CPE: variants seen among roughly 807,000 people sequenced by gnomAD.
CPE encodes the protein carboxypeptidase E.
A neutral mutation model predicts 53.5 loss-of-function variants in CPE; 17 were observed. The ratio of observed to expected loss-of-function variants is 0.32; its 90% CI spans 0.22 to 0.48. The LOEUF (loss-of-function observed/expected upper bound fraction) is 0.48, where lower values mean the gene tolerates loss of function less well. CPE is among the 20% of genes least tolerant of loss of function. The pLI is 0.99. For synonymous variants in CPE, 226 were observed against 228.8 expected (o/e 0.99, Z 0.11); for missense variants, 524 against 614.7 (o/e 0.85, Z 1.56).
At chr4:165,494,375 G>A (rs1289947350) in intron 7 of CPE, among the ~76,000 whole-genome samples, 2 of 152,196 alleles carry the variant, frequency 1.3e-5, no homozygotes, top group Non-Finnish European at 2.9e-5. Flanking sequence ...CAGAGGAGGG[G>A]CTCTAGAATA....
At chr4:165,384,951 G>A (rs1357247857) in intron 1 of CPE, among the ~76,000 whole-genome samples, 1 of 152,146 alleles carries the variant, frequency 6.6e-6, no homozygotes, top group Non-Finnish European at 1.5e-5. Flanking sequence ...AATTTTGTTT[G>A]TTTGCTTTTT....
chr4:165,497,635 A>G lies in CPE; in HGVS notation c.*25A>G. 7.1e-7 allele frequency: 1 copy of G among 1,399,276 alleles called. No homozygotes were observed. The highest frequency in any genetic ancestry group is 9.8e-7 in the Non-Finnish European group (1 of 1,023,320). 86.7% of individuals were successfully genotyped at this position (1,399,276 alleles called of 1,614,324 possible). A position where few individuals can be genotyped will look rare whatever the true frequency, so the allele number is the denominator to read the frequency against. On this transcript the variant is annotated 3_prime_UTR_variant, in exon 9 of 9. Transcript: ENST00000402744. ...AAAAGGCTTCTAGTTAGCTGCTTTA[A>G]ATCTATCTATATAATGTAGTATGAT... is the stretch of plus-strand genomic sequence containing the variant.
At chr4:165,465,248 A>C (rs1025661196) in intron 2 of CPE, among the ~76,000 whole-genome samples, 1 of 152,116 alleles carries the variant, frequency 6.6e-6, no homozygotes, top group African/African-American at 2.4e-5. Flanking sequence ...TAATTTTCTT[A>C]GTCTATGGGA....
At chr4:165,453,304 T>G (rs1579268540) in intron 1 of CPE, among the ~76,000 whole-genome samples, 1 of 151,888 alleles carries the variant, frequency 6.6e-6, no homozygotes, top group Admixed American at 6.6e-5. Flanking sequence ...TCTTTTTCTT[T>G]CTTTTTCCTT....
At chr4:165,489,592 A>G (rs1163885691) in intron 6 of CPE, among the ~76,000 whole-genome samples, 1 of 152,232 alleles carries the variant, frequency 6.6e-6, no homozygotes, top group African/African-American at 2.4e-5. Context: ...GAGCCGGGCT[A>G]TAAGATTTAC....
intron 1 of CPE, among the ~76,000 whole-genome samples, chr4:165,448,334 A>G (rs759015633): frequency 5.3e-5 from 8 of 152,234 alleles, no homozygotes; most frequent in Non-Finnish European, 1.0e-4. Flanking sequence ...GAATTTAAAT[A>G]TATCATTTAT....
chr4:165,412,310 A>G (rs1487800554), intron 1 of CPE, among the ~76,000 whole-genome samples: 1 of 152,236 alleles, frequency 6.6e-6, no homozygotes, highest in African/African-American at 2.4e-5. Flanking sequence ...TGTAGACATT[A>G]AATATCTTTT....
intron 1 of CPE, among the ~76,000 whole-genome samples, chr4:165,460,169 C>T (rs925348037): frequency 1.3e-5 from 2 of 151,792 alleles, no homozygotes; most frequent in East Asian, 1.9e-4. Context: ...GGAAGGCAAA[C>T]GTCATCCATT....
At chr4:165,497,440 C>T (rs1371482195) in intron 8 of CPE, 72 bp from the exon 9 acceptor site, 1 of 844,728 alleles carries the variant, frequency 1.2e-6, no homozygotes, top group African/African-American at 1.7e-5. Context: ...TGAAACTGCT[C>T]TTATTTTTTT....
chr4:165,414,178 T>A (rs1213293341), intron 1 of CPE, among the ~76,000 whole-genome samples: 1 of 152,218 alleles, frequency 6.6e-6, no homozygotes, highest in Non-Finnish European at 1.5e-5. Context: ...GTTTCATAAA[T>A]TATTTAAATA....
intron 1 of CPE, among the ~76,000 whole-genome samples, chr4:165,402,531 A>C (rs1365559623): frequency 6.6e-6 from 1 of 152,148 alleles, no homozygotes; most frequent in Admixed American, 6.5e-5. Context: ...ACTTGACACT[A>C]TCTCCTGGTG....
chr4:165,477,729 GA>G lies in CPE; in HGVS notation c.673-4501del, dbSNP rs35008723. ...TTCCTCCTCCTTTGTATAGCTGTGA[GA>G]AAAAAAAAAAAGAAATTCATATTCC... is the stretch of plus-strand genomic sequence containing the variant. On this transcript the variant is annotated intron_variant, in intron 3 of 8. Transcript: ENST00000402744. Among the ~76,000 whole-genome samples, 72 of 145,074 alleles carry G rather than the reference GA, an allele frequency of 5.0e-4. 1 individual carries two copies. In the Middle Eastern group the frequency reaches 0.014, roughly 29 times the overall value.
chr4:165,426,260 T>C (rs910799947), intron 1 of CPE, among the ~76,000 whole-genome samples: 4 of 152,234 alleles, frequency 2.6e-5, no homozygotes, highest in African/African-American at 9.6e-5. Context: ...CGTTAGATTA[T>C]TGGAACAATT....
At chr4:165,398,414 A>G (rs1730810873) in intron 1 of CPE, among the ~76,000 whole-genome samples, 1 of 152,182 alleles carries the variant, frequency 6.6e-6, no homozygotes, top group South Asian at 2.1e-4. Flanking sequence ...AGGTACATAT[A>G]TACATATAGG....
intron 1 of CPE, among the ~76,000 whole-genome samples, chr4:165,424,626 T>C (rs916727648): frequency 4.6e-5 from 7 of 151,646 alleles, no homozygotes; most frequent in Admixed American, 4.6e-4. Flanking sequence ...CTCCACCTCC[T>C]GGGTTCACGC....
Position 165,407,754 on chromosome 4 carries a change from C to T in CPE, c.307+28226C>T, listed in dbSNP as rs1579247603. On this transcript the variant is annotated intron_variant, in intron 1 of 8. Coordinates refer to ENST00000402744, the MANE Select transcript of CPE (RefSeq NM_001873.4). ...ATTTTTTAGTAGAGACGGGGTTTTG[C>T]CATGTTGGCCAGGCTGGTCTTGAAC... Among the ~76,000 whole-genome samples, 3 of 151,986 alleles carry T rather than the reference C, an allele frequency of 2.0e-5. No homozygotes were observed. The East Asian group carries it at 5.8e-4, about 29-fold the overall frequency.
Position 165,405,449 on chromosome 4 carries a change from A to G in CPE, c.307+25921A>G, listed in dbSNP as rs147412636. On this transcript the variant is annotated intron_variant, in intron 1 of 8. Coordinates refer to ENST00000402744, the MANE Select transcript of CPE (RefSeq NM_001873.4). ...CTCAATTCCAGTCTTTACCACATCA[A>G]TTATTTTCAGAGGTGTGGGATAAAG... The G allele has an allele frequency of 5.1e-4, 437 of 858,446 alleles. 4 individuals are homozygous for G. In the African/African-American group the frequency reaches 6.4e-3, roughly 13 times the overall value. The allele number at this position is 858,446 out of a possible 1,614,324, so 53.2% of individuals were successfully genotyped here. A position where few individuals can be genotyped will look rare whatever the true frequency, so the allele number is the denominator to read the frequency against.
chr4:165,406,573 A>G (rs1730958018), intron 1 of CPE, among the ~76,000 whole-genome samples: 5 of 152,166 alleles, frequency 3.3e-5, no homozygotes. Flanking sequence ...TGTGGTCATT[A>G]TTACTTTGTT....
Position 165,498,404 on chromosome 4 carries a change from T to C in CPE, c.*794T>C, listed in dbSNP as rs1732744489. 6.6e-6 allele frequency: 1 copy of C among 152,192 alleles called. No homozygotes were observed. Among genetic ancestry groups the C allele is most frequent in the Admixed American group, 6.5e-5 (1 of 15,274 alleles). The allele number at this position is 152,192 out of a possible 1,614,324, so 9.4% of individuals were successfully genotyped here. On this transcript the variant is annotated 3_prime_UTR_variant, in exon 9 of 9. Coordinates refer to ENST00000402744, the MANE Select transcript of CPE (RefSeq NM_001873.4). Reference sequence around the variant, plus strand: ...AACATGTATCCTCTTAATGGCGGCTTCTCATATATTCATCCTGTACATTTT... The same window carrying C: ...AACATGTATCCTCTTAATGGCGGCTCCTCATATATTCATCCTGTACATTTT...
Sources: allele counts gnomAD v4.1 joint callset (sites outside exome capture counted in the v4.1 genomes callset), GRCh38; gene constraint gnomAD v4.1.1; transcripts MANE v1.5; gene names NCBI Gene and HGNC (gene_info 2026-07-23, HGNC 2026-07-21).